The following ALG12 variants were observed in gnomAD, a reference collection of about 807,000 sequenced individuals.
ALG12 encodes ALG12 alpha-1,6-mannosyltransferase.
In ALG12, 36 loss-of-function variants were observed where a neutral mutation model predicts 46.0. The ratio of observed to expected loss-of-function variants is 0.78; its 90% CI spans 0.60 to 1.03. The LOEUF (loss-of-function observed/expected upper bound fraction) is 1.03, where lower values mean the gene tolerates loss of function less well. Ranked by LOEUF, ALG12 falls within the 50% of genes least tolerant of loss-of-function variation. ALG12 has a pLI of 0.00. For synonymous variants in ALG12, 326 were observed against 291.6 expected (o/e 1.12, Z -1.20); for missense variants, 599 against 633.5 (o/e 0.95, Z 0.58).
At position 49,915,285 on chromosome 22, in the gene ALG12, G is replaced by A. The variant is rs1205662677; in HGVS notation, c.-78-1442C>T. Among the ~76,000 whole-genome samples the A allele has an allele frequency of 2.0e-5, 3 of 152,114 alleles. No homozygotes were observed. The East Asian group carries it at 5.8e-4, about 29-fold the overall frequency. On this transcript the variant is annotated intron_variant, in intron 1 of 9. Transcript: ENST00000330817. ...CTCTTTGGGAGGCTGAGGGCCAGGT[G>A]CGGTGGCTCATTCCCATAATCCCAG...
downstream of ALG12, among the ~76,000 whole-genome samples, chr22:49,899,838 C>T (rs557318625): frequency 3.3e-5 from 5 of 151,892 alleles, no homozygotes; most frequent in East Asian, 3.9e-4. Flanking sequence ...ATCCTTGCAT[C>T]GACACCATGG....
chr22:49,886,923 G>A, the ALG12 span: 15 of 1,614,120 alleles, frequency 9.3e-6, no homozygotes, highest in East Asian at 1.3e-4. This position sits in a 1 kb window ranked among gnomAD's most constrained non-coding sequence, Gnocchi z 7.7. Context: ...TGGTGCTTGC[G>A]TATCTGGAGG....
At chr22:49,884,053 A>G in the ALG12 span, 1 of 1,603,914 alleles carries the variant, frequency 6.2e-7, no homozygotes, top group Non-Finnish European at 8.5e-7. Context: ...TCCCCGAGAC[A>G]GCACTAAAGC....
Position 49,916,266 on chromosome 22 carries a change from TA to T in ALG12, c.-79+1996del, listed in dbSNP as rs2060608741. ...AGACTCCATCTCAAAAATAAATAAA[TA>T]AATTAATTAAATTAAATAAAAATAT... is the stretch of plus-strand genomic sequence containing the variant. On this transcript the variant is annotated intron_variant, in intron 1 of 9. Transcript: ENST00000330817. Among the ~76,000 whole-genome samples, 3 of 144,284 alleles carry T rather than the reference TA, an allele frequency of 2.1e-5. No homozygotes were observed. In the South Asian group the frequency reaches 6.8e-4, roughly 33 times the overall value. 94.7% of individuals were successfully genotyped at this position (144,284 alleles called of 152,430 possible).
At chr22:49,884,723 C>T in the ALG12 span, 12 of 1,595,150 alleles carry the variant, frequency 7.5e-6, no homozygotes, top group Non-Finnish European at 1.0e-5. Flanking sequence ...CTGTACTCCA[C>T]CCCTCCCACT....
downstream of ALG12, among the ~76,000 whole-genome samples, chr22:49,899,692 G>C (rs2060496105): frequency 1.3e-5 from 2 of 152,004 alleles, no homozygotes; most frequent in African/African-American, 4.8e-5. Flanking sequence ...CAATATGAAA[G>C]TACAAACGCA....
the ALG12 span, among the ~76,000 whole-genome samples, chr22:49,859,494 C>T: frequency 6.6e-6 from 1 of 152,122 alleles, no homozygotes; most frequent in Non-Finnish European, 1.5e-5. Context: ...CCCAGTGTCC[C>T]AGGCTCACGG....
chr22:49,907,781 C>T lies in ALG12; in HGVS notation c.932G>A (p.Arg311His). The T allele has an allele frequency of 1.2e-6, 2 of 1,614,158 alleles. No individual in the cohort carries two copies. Among genetic ancestry groups the T allele is most frequent in the Non-Finnish European group, 1.7e-6 (2 of 1,180,044 alleles). ...CATGGGGAAGGCATAGATGATGAAG[C>T]GTAGCTCCTTGTGTGGCAGGAGGGA... ...LYSLLPHKELRFIIYAFPMLN... is the reference protein window; with the variant it reads ...LYSLLPHKELHFIIYAFPMLN... Residue 311 changes from arginine to histidine, a missense_variant, in exon 7 of 10, where the codon CGC becomes CAC. Coordinates refer to ENST00000330817, the MANE Select transcript of ALG12 (RefSeq NM_024105.4).
chr22:49,911,345 C>T (rs920905791), intron 3 of ALG12, among the ~76,000 whole-genome samples: 1 of 152,226 alleles, frequency 6.6e-6, no homozygotes, highest in Non-Finnish European at 1.5e-5. Context: ...CCACGGATGT[C>T]TGAGGGCTGG....
the ALG12 span, chr22:49,890,214 G>A: frequency 6.6e-6 from 1 of 152,226 alleles, no homozygotes; most frequent in Non-Finnish European, 1.5e-5. Flanking sequence ...GGCAGAGGGA[G>A]GAGGATTACT....
the ALG12 span, among the ~76,000 whole-genome samples, chr22:49,872,884 A>G: frequency 7.6e-4 from 116 of 152,138 alleles, 1 homozygote; most frequent in African/African-American, 2.7e-3. Context: ...TTTTTAGTAG[A>G]GACAGGTTTC....
chr22:49,903,831 G>A lies in ALG12; in HGVS notation c.*7C>T. 6.2e-7 allele frequency: 1 copy of A among 1,613,986 alleles called. No homozygotes were observed. Among genetic ancestry groups the A allele is most frequent in the Non-Finnish European group, 8.5e-7 (1 of 1,179,860 alleles). Reference sequence around the variant, plus strand: ...GCCTGTGGCTGCTGAGGGCTGCCTGGTCCCCCTCAGGACGGCCGGGGGAGC... The same window carrying A: ...GCCTGTGGCTGCTGAGGGCTGCCTGATCCCCCTCAGGACGGCCGGGGGAGC... On this transcript the variant is annotated 3_prime_UTR_variant, in exon 10 of 10. Transcript: ENST00000330817.
chr22:49,910,185 A>G, intron 4 of ALG12, 97 bp from the exon 5 acceptor site: 3 of 1,384,658 alleles, frequency 2.2e-6, no homozygotes, highest in Non-Finnish European at 2.9e-6. Context: ...TTCCTATTAT[A>G]AAAGCCACAC....
the ALG12 span, among the ~76,000 whole-genome samples, chr22:49,867,241 C>A: frequency 2.0e-5 from 3 of 152,180 alleles, no homozygotes; most frequent in Non-Finnish European, 4.4e-5. Flanking sequence ...TAATTTAACT[C>A]CATTGTGTTT....
chr22:49,880,164 C>T, the ALG12 span, among the ~76,000 whole-genome samples: 1,232 of 152,164 alleles, frequency 8.1e-3, 19 homozygotes, highest in African/African-American at 0.029. Context: ...GCTCCTAACA[C>T]GGCTTAAAAG....
At position 49,913,649 on chromosome 22, in the gene ALG12, C is replaced by A; in HGVS notation, c.117G>T (p.Leu39=). ...GGTAGAGCAGGTCATGTGTGGCCTG[C>A]AGGTTGAAGCTCTCCTCCACTTTGG... The part of the protein sequence containing the change: ...PYTKVEESFN[L]QATHDLLYHW... Residue 39 remains leucine, a synonymous_variant, in exon 2 of 10, where the codon CTG becomes CTT. Transcript: ENST00000330817. 6.2e-7 allele frequency: 1 copy of A among 1,614,148 alleles called. No individual in the cohort carries two copies. Among genetic ancestry groups the A allele is most frequent in the South Asian group, 1.1e-5 (1 of 91,084 alleles).
At chr22:49,913,964 T>C in intron 1 of ALG12, 121 bp from the exon 2 acceptor site, 1 of 646,966 alleles carries the variant, frequency 1.5e-6, no homozygotes. Context: ...CTACTACAAA[T>C]CTGAAAACGC....
At chr22:49,869,131 A>G in the ALG12 span, among the ~76,000 whole-genome samples, 1 of 151,824 alleles carries the variant, frequency 6.6e-6, no homozygotes, top group Non-Finnish European at 1.5e-5. Context: ...CAAAAAAAAA[A>G]AAAAAAGAAA....
the ALG12 span, chr22:49,883,411 C>G: frequency 2.6e-6 from 1 of 388,556 alleles, no homozygotes; most frequent in Non-Finnish European, 4.5e-6. Context: ...CACGTCTCTG[C>G]TGCACACATT....
Sources: allele counts gnomAD v4.1 joint callset (sites outside exome capture counted in the v4.1 genomes callset), GRCh38; gene constraint gnomAD v4.1.1; non-coding constraint Gnocchi (gnomAD v3.1); transcripts MANE v1.5; gene names NCBI Gene and HGNC (gene_info 2026-07-23, HGNC 2026-07-21).